The following FSD1 variants were observed in gnomAD, a reference collection of about 807,000 sequenced individuals.
FSD1 encodes fibronectin type III and SPRY domain-containing protein 1.
In FSD1, 23 loss-of-function variants were observed where a neutral mutation model predicts 58.2. The observed-to-expected ratio is 0.40, with a 90% CI of 0.28 to 0.56. The LOEUF (loss-of-function observed/expected upper bound fraction) is 0.56. Among genes scored for constraint, FSD1 ranks in the 20% least tolerant of loss-of-function variants. The probability of loss-of-function intolerance (pLI) is 0.54; values close to 1 mark genes in which losing one functional copy is unlikely to be tolerated. For missense variants in FSD1, 563 were observed against 670.8 expected, an observed-to-expected ratio of 0.84 and a Z score of 1.78; for synonymous variants, 265 against 263.4, an observed-to-expected ratio of 1.01 and a Z score of -0.06.
At chr19:4,310,216 CTCCG>C in intron 4 of FSD1, 53 bp from the exon 5 acceptor site, 1 of 1,601,794 alleles carries the variant, frequency 6.2e-7, no homozygotes, top group Admixed American at 1.7e-5. Flanking sequence ...CAGAGCAAGA[CTCCG>C]TCTCAAAAAC....
intron 10 of FSD1, 40 bp from the exon 11 acceptor site, chr19:4,322,946 A>G (rs764552245): frequency 1.9e-6 from 3 of 1,582,690 alleles, no homozygotes; most frequent in African/African-American, 1.3e-5. Flanking sequence ...GCCCAGTTCT[A>G]TCCAGTTCCC....
At chr19:4,306,787 C>T (rs984554143) in intron 3 of FSD1, among the ~76,000 whole-genome samples, 2 of 151,952 alleles carry the variant, frequency 1.3e-5, no homozygotes, top group African/African-American at 4.8e-5. Context: ...CTCTCCATCA[C>T]GGCGTCCCCG....
chr19:4,320,226 A>G (rs146914788), intron 10 of FSD1, among the ~76,000 whole-genome samples: 463 of 152,138 alleles, frequency 3.0e-3, no homozygotes, highest in African/African-American at 0.011. Flanking sequence ...TCTGGATAGA[A>G]TCTGGATTCA....
Position 4,323,796 on chromosome 19 carries a change from C to T in FSD1, c.*153C>T. On this transcript the variant is annotated 3_prime_UTR_variant, in exon 13 of 13. Coordinates refer to ENST00000221856, the MANE Select transcript of FSD1 (RefSeq NM_024333.3). The surrounding 1 kb of genome is among the most constrained non-coding windows in gnomAD (Gnocchi z 7.7). ...AGAGGGAGTGGGCACCCTGGCGGGC[C>T]CTCTCCCCACCTCACCTCTTAATAA... 1.6e-6 allele frequency: 1 copy of T among 623,204 alleles called. No individual in the cohort carries two copies. The highest frequency in any genetic ancestry group is 2.0e-5 in the South Asian group (1 of 51,232). The allele number at this position is 623,204 out of a possible 1,614,324, so 38.6% of individuals were successfully genotyped here.
rs752078436 is a variant in FSD1 at position 4,305,973 on chromosome 19, C to T, written c.43C>T (p.Leu15=). 1 of 1,614,150 alleles carries T rather than the reference C, an allele frequency of 6.2e-7. No individual in the cohort carries two copies. The highest frequency in any genetic ancestry group is 8.5e-7 in the Non-Finnish European group (1 of 1,179,994). ...REALRKIIKT[L]AVKNEEIQSF... ...GGCCCTGAGGAAGATCATCAAAACA[C>T]TGGCTGTGAAGAATGAAGAAATTCA... Residue 15 remains leucine (L), a synonymous_variant, in exon 2 of 13, where the codon CTG becomes TTG. Transcript: ENST00000221856.
intron 7 of FSD1, 141 bp from the exon 8 acceptor site, chr19:4,317,041 G>A: frequency 1.7e-6 from 1 of 600,036 alleles, no homozygotes; most frequent in Non-Finnish European, 3.1e-6. Context: ...GCGTGAGCCA[G>A]TGCGCCCGGC....
intron 8 of FSD1, among the ~76,000 whole-genome samples, chr19:4,317,845 C>T (rs146768968): frequency 3.9e-5 from 6 of 152,098 alleles, no homozygotes; most frequent in Non-Finnish European, 7.4e-5. Context: ...GGTGAAACCC[C>T]GTCTCTACTG....
rs1599536006 is a variant in FSD1, at chr19:4,311,778, CA to C, written c.491-62del. 1.2e-5 allele frequency: 18 copies of C among 1,501,974 alleles called. No homozygotes were observed. In the East Asian group the frequency reaches 3.8e-4, roughly 32 times the overall value. The allele number at this position is 1,501,974 out of a possible 1,614,324, so 93.0% of individuals were successfully genotyped here. ...AACATGTGGTTGGGCAGCCCTGCAGCAAGCCCCCTGCCCCCTGAACCAGGCA... is the reference window on the plus strand; with the variant it reads ...AACATGTGGTTGGGCAGCCCTGCAGCAGCCCCCTGCCCCCTGAACCAGGCA... On this transcript the variant is annotated intron_variant, in intron 6 of 12. Coordinates refer to ENST00000221856, the MANE Select transcript of FSD1 (RefSeq NM_024333.3).
chr19:4,306,034 A>G lies in FSD1; in HGVS notation c.104A>G (p.Asn35Ser), dbSNP rs768849275. 6.2e-7 allele frequency: 1 copy of G among 1,613,686 alleles called. No individual in the cohort carries two copies. The highest frequency in any genetic ancestry group is 8.5e-7 in the Non-Finnish European group (1 of 1,179,644). Residue 35 changes from asparagine to serine, a missense_variant, in exon 2 of 13, where the codon AAC (asparagine) becomes AGC (serine). Coordinates refer to ENST00000221856, the MANE Select transcript of FSD1 (RefSeq NM_024333.3). ...FIYSLKQMLL[N>S]VEANSAKVQE... ...TACTCCCTGAAACAGATGCTGCTGA[A>G]CGTGGAGGTGAAGGCGGTGGGGCAG...
In FSD1 at chr19:4,323,686, G is replaced by T; in HGVS notation, c.*43G>T. On this transcript the variant is annotated 3_prime_UTR_variant, in exon 13 of 13. Transcript: ENST00000221856. The surrounding 1 kb of genome is among the most constrained non-coding windows in gnomAD (Gnocchi z 7.7). The stretch of plus-strand genomic sequence containing the variant: ...CAGCTGGGGTGTTTTTGGGGGAGTC[G>T]CCGCCAAGCCCAGGCTGCTGGAGCC... 7.2e-7 allele frequency: 1 copy of T among 1,387,382 alleles called. No individual in the cohort carries two copies. Among genetic ancestry groups the T allele is most frequent in the Non-Finnish European group, 1.0e-6 (1 of 993,984 alleles). 85.9% of individuals were successfully genotyped at this position (1,387,382 alleles called of 1,614,324 possible).
At chr19:4,314,319 C>T (rs1366996841) in intron 7 of FSD1, among the ~76,000 whole-genome samples, 1 of 152,170 alleles carries the variant, frequency 6.6e-6, no homozygotes, top group Admixed American at 6.6e-5. Context: ...AATCCCTCCT[C>T]CAAGTGCCCC....
chr19:4,321,176 CT>C (rs1971812612), intron 10 of FSD1, among the ~76,000 whole-genome samples: 1 of 109,458 alleles, frequency 9.1e-6, no homozygotes, highest in South Asian at 3.2e-4. Context: ...TAGCTGGGAC[CT>C]GAGGAGCATC....
At chr19:4,322,623 G>A (rs1375022780) in intron 10 of FSD1, among the ~76,000 whole-genome samples, 4 of 151,652 alleles carry the variant, frequency 2.6e-5, no homozygotes, top group Non-Finnish European at 5.9e-5. Flanking sequence ...GTATCTGGAG[G>A]GAATAGCTGG....
chr19:4,322,861 G>T, intron 10 of FSD1, 125 bp from the exon 11 acceptor site: 1 of 1,187,560 alleles, frequency 8.4e-7, no homozygotes, highest in Non-Finnish European at 1.2e-6. Flanking sequence ...AGGAACCTGG[G>T]GAGTGTCTCT....
Position 4,321,980 on chromosome 19 carries a change from G to A in FSD1, c.1040-1006G>A, listed in dbSNP as rs555730499. Reference sequence around the variant, plus strand: ...CTGGCGGGGGGATAGCTGGGATCCCGAGGAGTATCTGGGAGGAATAACTTG... The same window carrying A: ...CTGGCGGGGGGATAGCTGGGATCCCAAGGAGTATCTGGGAGGAATAACTTG... On this transcript the variant is annotated intron_variant, in intron 10 of 12. Transcript: ENST00000221856. Among the ~76,000 whole-genome samples, 107 of 150,656 alleles carry A rather than the reference G, an allele frequency of 7.1e-4. 1 individual carries two copies. Among genetic ancestry groups the A allele is most frequent in the Middle Eastern group, 3.5e-3 (1 of 284 alleles).
At chr19:4,318,553 C>A in intron 9 of FSD1, 48 bp downstream of exon 9, 1 of 1,489,422 alleles carries the variant, frequency 6.7e-7, no homozygotes, top group Non-Finnish European at 9.1e-7. Context: ...GGAGATCAGT[C>A]TGGACATGGA....
chr19:4,308,091 T>C (rs746136375), intron 4 of FSD1, 108 bp downstream of exon 4: 16 of 831,930 alleles, frequency 1.9e-5, no homozygotes, highest in Non-Finnish European at 2.9e-5. Flanking sequence ...CATGCGATAG[T>C]TGGCAAAAGT....
In FSD1 at chr19:4,323,393, C is replaced by T. The variant is rs1338118456; in HGVS notation, c.1337C>T (p.Thr446Ile). Reference protein sequence around the residue: ...YNARTKQVLHTFKTRFTQPLL... With the variant: ...YNARTKQVLHIFKTRFTQPLL... ...GCCCGCACCAAACAAGTGCTGCACACTTTCAAGACCAGGTTCACACAGCCG... is the reference window on the plus strand; with the variant it reads ...GCCCGCACCAAACAAGTGCTGCACATTTTCAAGACCAGGTTCACACAGCCG... The change falls in exon 12 of 13, where the codon ACT becomes ATT. Residue 446 changes from threonine (T) to isoleucine (I), a missense_variant. Coordinates refer to ENST00000221856, the MANE Select transcript of FSD1 (RefSeq NM_024333.3). The surrounding 1 kb of genome is among the most constrained non-coding windows in gnomAD (Gnocchi z 7.7). 2.5e-6 allele frequency: 4 copies of T among 1,613,990 alleles called. No homozygotes were observed. The highest frequency in any genetic ancestry group is 3.4e-6 in the Non-Finnish European group (4 of 1,179,918).
At chr19:4,313,454 T>C (rs1280450446) in intron 7 of FSD1, among the ~76,000 whole-genome samples, 2 of 141,464 alleles carry the variant, frequency 1.4e-5, no homozygotes, top group African/African-American at 5.6e-5. Context: ...GCGTGGTGGC[T>C]CACACCTGTA....
Sources: gnomAD v4.1 joint callset for allele counts (sites outside exome capture counted in the v4.1 genomes callset) on GRCh38, gnomAD v4.1.1 for gene constraint, Gnocchi (gnomAD v3.1) non-coding constraint, MANE v1.5 for transcripts, NCBI Gene and HGNC (gene_info 2026-07-23, HGNC 2026-07-21) for gene names.